Variants in FAM161A observed in about 807,000 individuals in gnomAD.
FAM161A encodes the protein FAM161 centrosomal protein A, also known as protein FAM161A.
A neutral mutation model predicts 70.9 loss-of-function variants in FAM161A; 57 were observed. The observed-to-expected ratio is 0.80, with a 90% CI of 0.65 to 1.00. The LOEUF (loss-of-function observed/expected upper bound fraction) is 1.00, where lower values mean the gene tolerates loss of function less well. Among genes scored for constraint, FAM161A ranks in the 50% least tolerant of loss-of-function variants. The probability of loss-of-function intolerance (pLI) is 0.00; values close to 1 mark genes in which losing one functional copy is unlikely to be tolerated. For synonymous variants in FAM161A, 299 were observed against 295.7 expected (o/e 1.01, Z -0.12); for missense variants, 880 against 836.0 (o/e 1.05, Z -0.65).
the FAM161A span, among the ~76,000 whole-genome samples, chr2:61,807,700 C>T: frequency 7.7e-5 from 11 of 142,210 alleles, no homozygotes; most frequent in South Asian, 2.2e-3. Context: ...AGTGCAGTGG[C>T]GTGAATCATG....
the FAM161A span, among the ~76,000 whole-genome samples, chr2:61,810,169 T>C: frequency 1.3e-5 from 2 of 152,118 alleles, no homozygotes; most frequent in East Asian, 3.9e-4. Flanking sequence ...ATTATGCAGC[T>C]GAAACTAAAT....
downstream of FAM161A, among the ~76,000 whole-genome samples, chr2:61,821,580 A>AAAT (rs1672203625): frequency 6.6e-6 from 1 of 151,834 alleles, no homozygotes; most frequent in African/African-American, 2.4e-5. Context: ...ATTAGTTGTA[A>AAAT]AATAGAATCT....
At chr2:61,852,470 G>A (rs1673529833) in intron 1 of FAM161A, among the ~76,000 whole-genome samples, 4 of 152,192 alleles carry the variant, frequency 2.6e-5, no homozygotes, top group Non-Finnish European at 5.9e-5. Context: ...GGAAAAAAGA[G>A]ACAATTATTA....
At position 61,833,148 on chromosome 2, in the gene FAM161A, G is replaced by C. The variant is rs555728037; in HGVS notation, c.1851+2862C>G. The stretch of plus-strand genomic sequence containing the variant: ...TTTTTAAAGGAAATGTGATGGGCCA[G>C]GCATGGTGGTTCACGCCTGTAATCC... On this transcript the variant is annotated intron_variant, in intron 5 of 6. Transcript: ENST00000404929. 8.5e-5 allele frequency among the ~76,000 whole-genome samples: 13 copies of C among 152,228 alleles called. No homozygotes were observed. In the South Asian group the frequency reaches 2.7e-3, roughly 32 times the overall value.
the FAM161A span, chr2:61,803,276 G>A: frequency 3.2e-6 from 2 of 624,412 alleles, no homozygotes; most frequent in African/African-American, 3.7e-5. Flanking sequence ...GCTGGTGGTG[G>A]CTTTGGCATG....
At chr2:61,823,332 C>A (rs1672248009), downstream of FAM161A, among the ~76,000 whole-genome samples, 3 of 119,668 alleles carry the variant, frequency 2.5e-5, no homozygotes, top group Admixed American at 8.5e-5. Flanking sequence ...GATTCCATCT[C>A]AAAAAAAAAA....
chr2:61,824,294 T>C (rs1269475442), downstream of FAM161A, among the ~76,000 whole-genome samples: 7 of 151,052 alleles, frequency 4.6e-5, no homozygotes, highest in Non-Finnish European at 8.8e-5. Flanking sequence ...CATCTCGGCC[T>C]CCCAAAGTGA....
the FAM161A span, among the ~76,000 whole-genome samples, chr2:61,806,903 A>T: frequency 2.2e-4 from 34 of 151,874 alleles, no homozygotes; most frequent in African/African-American, 8.2e-4. Context: ...CGTGTTAGTC[A>T]TGATGGTCTT....
the FAM161A span, among the ~76,000 whole-genome samples, chr2:61,800,554 G>T: frequency 6.6e-6 from 1 of 152,160 alleles, no homozygotes; most frequent in East Asian, 1.9e-4. Context: ...AAGAAGGGAA[G>T]GACAATGGGC....
Position 61,836,085 on chromosome 2 carries a change from T to G in FAM161A, c.1776A>C (p.Arg592Ser), listed in dbSNP as rs1672762928. ...CLRKSEKERMREYQRELEERE... is the reference protein window; with the variant it reads ...CLRKSEKERMSEYQRELEERE... ...TTTCTTCTAGTTCTCGTTGGTATTCTCTCATCCTTTCCTTTTCGCTCTTTC... is the reference window on the plus strand; with the variant it reads ...TTTCTTCTAGTTCTCGTTGGTATTCGCTCATCCTTTCCTTTTCGCTCTTTC... Residue 592 changes from arginine to serine, a missense_variant, in exon 5 of 7, where the codon AGA becomes AGC. Physicochemically the swap from Arg to Ser is moderately radical, Grantham distance 110. Transcript: ENST00000404929. 6.2e-7 allele frequency: 1 copy of G among 1,610,344 alleles called. No individual in the cohort carries two copies. Among genetic ancestry groups the G allele is most frequent in the Non-Finnish European group, 8.5e-7 (1 of 1,178,322 alleles).
chr2:61,823,387 T>TATATATATATATATATATA (rs1558470717), downstream of FAM161A, among the ~76,000 whole-genome samples: 4 of 110,848 alleles, frequency 3.6e-5, no homozygotes, highest in Non-Finnish European at 8.0e-5. Context: ...ATATATATAT[T>TATATATATATATATATATA]GAGTCAGGGT....
At chr2:61,848,571 C>G (rs1448338641) in intron 1 of FAM161A, among the ~76,000 whole-genome samples, 1 of 151,580 alleles carries the variant, frequency 6.6e-6, no homozygotes, top group Non-Finnish European at 1.5e-5. Context: ...ATTGGCTTGA[C>G]CCATTTAGAT....
At chr2:61,801,260 G>A in the FAM161A span, among the ~76,000 whole-genome samples, 2 of 151,892 alleles carry the variant, frequency 1.3e-5, no homozygotes, top group African/African-American at 4.8e-5. Context: ...CACTTTGGGA[G>A]GCTGAGGCGG....
chr2:61,807,714 C>T, the FAM161A span, among the ~76,000 whole-genome samples: 2 of 148,088 alleles, frequency 1.4e-5, no homozygotes, highest in African/African-American at 5.0e-5. Context: ...AATCATGGCT[C>T]ACTGCAACCT....
At chr2:61,831,462 T>C (rs1209619706) in intron 5 of FAM161A, among the ~76,000 whole-genome samples, 1 of 152,218 alleles carries the variant, frequency 6.6e-6, no homozygotes, top group African/African-American at 2.4e-5. Context: ...ACATCTGTAA[T>C]TGCTGCAATT....
the FAM161A span, among the ~76,000 whole-genome samples, chr2:61,804,714 G>GAGAA: frequency 7.0e-6 from 1 of 142,258 alleles, no homozygotes; most frequent in African/African-American, 2.6e-5. Context: ...GAGAGAGAAA[G>GAGAA]AGAAAGAAAG....
Position 61,827,255 on chromosome 2 carries a change from T to A in FAM161A, c.1855A>T (p.Asn619Tyr). The change falls in exon 6 of 7, where the codon AAT becomes TAT. Residue 619 changes from asparagine (N) to tyrosine (Y), a missense_variant. Coordinates refer to ENST00000404929, the MANE Select transcript of FAM161A (RefSeq NM_001201543.2). Reference sequence around the variant, plus strand: ...TGCTTTTCTGCTGCCATTCTTGCATTTTTCTATAGGAAAGACAAACCTTTT... The same window carrying A: ...TGCTTTTCTGCTGCCATTCTTGCATATTTCTATAGGAAAGACAAACCTTTT... ...PLLFERVAQK[N>Y]ARMAAEKHYS... 6.2e-7 allele frequency: 1 copy of A among 1,612,994 alleles called. No individual in the cohort carries two copies. Among genetic ancestry groups the A allele is most frequent in the South Asian group, 1.1e-5 (1 of 91,074 alleles).
chr2:61,838,258 T>C (rs1249198018), intron 4 of FAM161A, among the ~76,000 whole-genome samples: 2 of 152,236 alleles, frequency 1.3e-5, no homozygotes, highest in East Asian at 3.8e-4. Flanking sequence ...CAAGATCAGA[T>C]ATTGGTATAA....
intron 5 of FAM161A, among the ~76,000 whole-genome samples, chr2:61,830,571 C>G (rs949527066): frequency 1.3e-5 from 2 of 150,174 alleles, no homozygotes; most frequent in Non-Finnish European, 3.0e-5. Context: ...GTAATCCCAG[C>G]TACTCAGGAG....
Sources: gnomAD v4.1 joint callset for allele counts (sites outside exome capture counted in the v4.1 genomes callset) on GRCh38, gnomAD v4.1.1 for gene constraint, MANE v1.5 for transcripts, NCBI Gene and HGNC (gene_info 2026-07-23, HGNC 2026-07-21) for gene names.